The following CYRIB variants were observed in gnomAD, a reference collection of about 807,000 sequenced individuals.
The protein encoded by CYRIB is CYFIP related Rac1 interactor B, also known as CYFIP-related Rac1 interactor B.
Under a neutral mutation model 44.2 loss-of-function variants are expected in CYRIB, and 8 were observed. The observed-to-expected ratio is 0.18, with a 90% CI of 0.11 to 0.33. CYRIB has a LOEUF of 0.33. CYRIB is among the 10% of genes least tolerant of loss of function. The probability of loss-of-function intolerance (pLI) is 1.00; values close to 1 mark genes in which losing one functional copy is unlikely to be tolerated. For missense variants in CYRIB, 185 were observed against 382.8 expected, an observed-to-expected ratio of 0.48 and a Z score of 4.31; for synonymous variants, 131 against 127.2, an observed-to-expected ratio of 1.03 and a Z score of -0.20.
intron 1 of CYRIB, among the ~76,000 whole-genome samples, chr8:130,001,431 G>A (rs188983759): frequency 5.9e-5 from 9 of 151,586 alleles, no homozygotes; most frequent in African/African-American, 1.9e-4. Flanking sequence ...AGTTCATTTC[G>A]CTTTGGAAAT....
At position 129,857,950 on chromosome 8, in the gene CYRIB, C is replaced by T. The variant is rs368728858; in HGVS notation, c.302-2203G>A. Among the ~76,000 whole-genome samples the T allele has an allele frequency of 1.8e-4, 27 of 152,306 alleles. No individual in the cohort carries two copies. The East Asian group carries it at 5.0e-3, about 28-fold the overall frequency. On this transcript the variant is annotated intron_variant, in intron 5 of 11. Transcript: ENST00000519824. ...ACCACTTTTGGGACTGGAGTCAGGT[C>T]GCTTGACTAAGTTGGGATGGTCAGT... is the stretch of plus-strand genomic sequence containing the variant.
intron 2 of CYRIB, among the ~76,000 whole-genome samples, chr8:129,967,580 C>T (rs2095535696): frequency 1.3e-5 from 2 of 151,994 alleles, no homozygotes; most frequent in Non-Finnish European, 2.9e-5. Context: ...GGGGTTTCAC[C>T]CTGTTAGCCA....
upstream of CYRIB, among the ~76,000 whole-genome samples, chr8:129,943,094 C>CGCCCACCCGCCT: frequency 8.5e-6 from 1 of 117,408 alleles, no homozygotes; most frequent in Middle Eastern, 4.0e-3. Context: ...CCACCCGCCC[C>CGCCCACCCGCCT]CCCGCACTGT....
chr8:129,858,066 C>T (rs1299753544), intron 5 of CYRIB, among the ~76,000 whole-genome samples: 1 of 152,216 alleles, frequency 6.6e-6, no homozygotes, highest in African/African-American at 2.4e-5. Context: ...GATAAATCTG[C>T]TAATCTGCCT....
chr8:129,920,996 T>C (rs2083274715), intron 1 of CYRIB, among the ~76,000 whole-genome samples: 1 of 152,156 alleles, frequency 6.6e-6, no homozygotes, highest in South Asian at 2.1e-4. Flanking sequence ...TTGTAAGTAC[T>C]AAAACCACAA....
chr8:129,949,874 A>G (rs1401939961), intron 2 of CYRIB, among the ~76,000 whole-genome samples: 1 of 151,996 alleles, frequency 6.6e-6, no homozygotes, highest in Admixed American at 6.6e-5. Flanking sequence ...CTTAAAAAAA[A>G]ATAATAATAA....
chr8:129,886,532 C>T (rs139565429), intron 2 of CYRIB, among the ~76,000 whole-genome samples: 1 of 152,294 alleles, frequency 6.6e-6, no homozygotes, highest in African/African-American at 2.4e-5. Flanking sequence ...CTCTTTGCAG[C>T]AAAATTCCTT....
chr8:129,972,262 AAAT>A (rs2095726936), intron 1 of CYRIB, among the ~76,000 whole-genome samples: 1 of 152,124 alleles, frequency 6.6e-6, no homozygotes, highest in Non-Finnish European at 1.5e-5. Flanking sequence ...ATTCCCTTTT[AAAT>A]AATAATCACC....
At chr8:129,906,116 G>A (rs532290194) in intron 1 of CYRIB, among the ~76,000 whole-genome samples, 1 of 152,058 alleles carries the variant, frequency 6.6e-6, no homozygotes, top group Non-Finnish European at 1.5e-5. Flanking sequence ...AAGTTCATAT[G>A]GAACCAAAAA....
chr8:129,867,583 AT>A (rs1363243378), intron 4 of CYRIB, among the ~76,000 whole-genome samples: 1 of 151,672 alleles, frequency 6.6e-6, no homozygotes, highest in Admixed American at 6.6e-5. Context: ...CTATTTAATA[AT>A]GTTTAAAAAA....
rs1223568768 is a variant in CYRIB at position 129,884,789 on chromosome 8, T to G, written c.-10-5318A>C. ...TTTACTAAATAAGCTAAAAATAAAT[T>G]TAACACAGATTTAATACACAGAAAC... On this transcript the variant is annotated intron_variant, in intron 2 of 11. Coordinates refer to ENST00000519824, the Ensembl canonical transcript of CYRIB. 2.0e-5 allele frequency among the ~76,000 whole-genome samples: 3 copies of G among 152,312 alleles called. No individual in the cohort carries two copies. In the East Asian group the frequency reaches 5.8e-4, roughly 29 times the overall value.
At chr8:129,846,749 C>A in intron 11 of CYRIB, 55 bp downstream of exon 13, 1 of 1,203,616 alleles carries the variant, frequency 8.3e-7, no homozygotes, top group Non-Finnish European at 1.2e-6. Flanking sequence ...ACATAAACAT[C>A]GACCATTTTC....
intron 2 of CYRIB, among the ~76,000 whole-genome samples, chr8:129,950,789 A>G (rs1590962183): frequency 1.3e-5 from 2 of 152,332 alleles, no homozygotes; most frequent in Admixed American, 1.3e-4. Flanking sequence ...AAAGCCAGAC[A>G]CAAATTAAAT....
At chr8:129,856,047 A>C (rs2046058218) in intron 5 of CYRIB, among the ~76,000 whole-genome samples, 1 of 152,264 alleles carries the variant, frequency 6.6e-6, no homozygotes, top group African/African-American at 2.4e-5. Flanking sequence ...ACCAAAGGGC[A>C]AGTTTTATAT....
chr8:130,011,496 G>A (rs1162900783), intron 1 of CYRIB, among the ~76,000 whole-genome samples: 1 of 150,712 alleles, frequency 6.6e-6, no homozygotes, highest in Non-Finnish European at 1.5e-5. Context: ...ACTCTAACCT[G>A]GGCAACAAAG....
intron 8 of CYRIB, chr8:129,851,915 C>T (rs2043461714): frequency 1.4e-5 from 5 of 361,770 alleles, no homozygotes; most frequent in South Asian, 2.9e-4. Flanking sequence ...GGTTAGAAAA[C>T]GCAACCCAGA....
At chr8:129,998,154 A>C (rs970903816) in intron 1 of CYRIB, among the ~76,000 whole-genome samples, 1 of 150,286 alleles carries the variant, frequency 6.7e-6, no homozygotes, top group Non-Finnish European at 1.5e-5. Flanking sequence ...AAAACACCTC[A>C]GAAACGGAGG....
At chr8:129,869,288 A>G (rs1313800616) in intron 4 of CYRIB, among the ~76,000 whole-genome samples, 6 of 146,264 alleles carry the variant, frequency 4.1e-5, no homozygotes, top group African/African-American at 1.5e-4. Flanking sequence ...CGGGAGGCTG[A>G]GGCAGAATTG....
intron 11 of CYRIB, among the ~76,000 whole-genome samples, chr8:129,843,665 TA>T (rs1247643594): frequency 6.6e-6 from 1 of 152,220 alleles, no homozygotes; most frequent in Non-Finnish European, 1.5e-5. Context: ...GGCTCACAAG[TA>T]GCTGGGATGA....
Sources: allele counts gnomAD v4.1 joint callset (sites outside exome capture counted in the v4.1 genomes callset), GRCh38; gene constraint gnomAD v4.1.1; transcripts MANE v1.5; gene names NCBI Gene and HGNC (gene_info 2026-07-23, HGNC 2026-07-21).